FAM110B: variants seen among roughly 807,000 people sequenced by gnomAD.
FAM110B encodes family with sequence similarity 110 member B.
FAM110B carries 6 observed loss-of-function variants against 20.4 expected under a neutral mutation model. That is an observed-to-expected ratio of 0.29 (90% CI 0.16 to 0.58). The LOEUF (loss-of-function observed/expected upper bound fraction) is 0.58. Among genes scored for constraint, FAM110B ranks in the 20% least tolerant of loss-of-function variants. The probability of loss-of-function intolerance (pLI) is 0.90; values close to 1 mark genes in which losing one functional copy is unlikely to be tolerated. For synonymous variants in FAM110B, 226 were observed against 214.1 expected (o/e 1.06, Z -0.49); for missense variants, 434 against 498.2 (o/e 0.87, Z 1.23).
chr8:58,095,196 C>T (rs1806591822), intron 3 of FAM110B, among the ~76,000 whole-genome samples: 1 of 152,096 alleles, frequency 6.6e-6, no homozygotes, highest in African/African-American at 2.4e-5. Context: ...AAACCAGCTC[C>T]TGGATTTACT....
Position 58,047,591 on chromosome 8 carries a change from C to CCTCTCTCTCTCTCTCTCTCTCTCTCT in FAM110B, c.-414+15907_-414+15932dup, listed in dbSNP as rs56031012. On this transcript the variant is annotated intron_variant, in intron 2 of 3. Coordinates refer to ENST00000519262, the MANE Select transcript of FAM110B (RefSeq NM_001377989.1). ...CAAATTGTAATTAATCTTCCTTTTTCCTCTCTCTCTCTCTCTCTCTCTCTC... is the reference window on the plus strand; with the variant it reads ...CAAATTGTAATTAATCTTCCTTTTTCCTCTCTCTCTCTCTCTCTCTCTCTCTCTCTCTCTCTCTCTCTCTCTCTCTC... Among the ~76,000 whole-genome samples, 77 of 74,724 alleles carry CCTCTCTCTCTCTCTCTCTCTCTCTCT rather than the reference C, an allele frequency of 1.0e-3. 4 individuals carry two copies. The highest frequency in any genetic ancestry group is 1.4e-3 in the Non-Finnish European group (49 of 33,846). The allele number at this position is 74,724 out of a possible 152,430, so 49.0% of individuals were successfully genotyped here. A position where few individuals can be genotyped will look rare whatever the true frequency, so the allele number is the denominator to read the frequency against.
intron 3 of FAM110B, among the ~76,000 whole-genome samples, chr8:58,090,863 G>T (rs1470952742): frequency 6.6e-6 from 1 of 152,004 alleles, no homozygotes; most frequent in Non-Finnish European, 1.5e-5. Flanking sequence ...TAAACTTAAG[G>T]CACCCACAAG....
chr8:58,061,983 A>G (rs1203729799), intron 2 of FAM110B, among the ~76,000 whole-genome samples: 3 of 152,246 alleles, frequency 2.0e-5, no homozygotes, highest in Admixed American at 2.0e-4. Flanking sequence ...TCTGATGTTC[A>G]TATTTTTAAA....
At position 58,107,111 on chromosome 8, in the gene FAM110B, C is replaced by T. The variant is rs561359255; in HGVS notation, c.-325+31488C>T. Among the ~76,000 whole-genome samples the T allele has an allele frequency of 2.0e-5, 3 of 152,036 alleles. No homozygotes were observed. The South Asian group carries it at 6.2e-4, about 32-fold the overall frequency. On this transcript the variant is annotated intron_variant, in intron 3 of 3. Transcript: ENST00000519262. ...AAAGTAGTCAAACCACTACTGTTGC[C>T]GTCTGGATTTTATGTTACTGAAAAA... is the stretch of plus-strand genomic sequence containing the variant.
At chr8:58,003,659 A>G (rs530464123) in intron 1 of FAM110B, among the ~76,000 whole-genome samples, 21 of 152,350 alleles carry the variant, frequency 1.4e-4, no homozygotes, top group African/African-American at 5.0e-4. Flanking sequence ...GACCAGGGGC[A>G]TTGTAATTGA....
rs757598715 is a variant in FAM110B, at chr8:58,146,787, T to G, written c.557T>G (p.Leu186Arg). ...GGCTCCCACGTGGGCAGGAGACTGC[T>G]GGAGCAGTCAGCCGAGTCCTTCCTC... ...EGGSHVGRRL[L>R]EQSAESFLHV... Residue 186 changes from leucine (L) to arginine (R), a missense_variant, in exon 4 of 4, where the codon CTG (leucine) becomes CGG (arginine). Leu to Arg is a moderately radical substitution (Grantham distance 102, BLOSUM62 -2). Transcript: ENST00000519262. 1 of 1,611,050 alleles carries G rather than the reference T, an allele frequency of 6.2e-7. No homozygotes were observed. The highest frequency in any genetic ancestry group is 2.2e-5 in the East Asian group (1 of 44,804).
chr8:58,019,370 GAAAGAAAGAAAAGA>G (rs1213941560), intron 1 of FAM110B, among the ~76,000 whole-genome samples: 35 of 129,510 alleles, frequency 2.7e-4, no homozygotes, highest in African/African-American at 8.3e-4. Context: ...AGGAAAGAAA[GAAAGAAAGAAAAGA>G]AAAGAAAGAA....
chr8:58,101,819 T>A (rs531873850), intron 3 of FAM110B, among the ~76,000 whole-genome samples: 2 of 152,276 alleles, frequency 1.3e-5, no homozygotes, highest in African/African-American at 4.8e-5. Context: ...TTTGTACCTC[T>A]TGGTACCCAT....
At chr8:57,997,387 T>C (rs1804209190) in intron 1 of FAM110B, among the ~76,000 whole-genome samples, 1 of 152,220 alleles carries the variant, frequency 6.6e-6, no homozygotes, top group Admixed American at 6.5e-5. Flanking sequence ...GCATTTTAGG[T>C]GCTAGACAAA....
At chr8:58,118,295 G>A (rs1807268583) in intron 3 of FAM110B, among the ~76,000 whole-genome samples, 1 of 152,190 alleles carries the variant, frequency 6.6e-6, no homozygotes, top group Non-Finnish European at 1.5e-5. Context: ...GATTGATACA[G>A]CCAGAGATTA....
chr8:58,147,305 A>G lies in FAM110B; in HGVS notation c.1075A>G (p.Lys359Glu). The G allele has an allele frequency of 6.2e-7, 1 of 1,614,152 alleles. No individual in the cohort carries two copies. The highest frequency in any genetic ancestry group is 8.5e-7 in the Non-Finnish European group (1 of 1,179,992). ...ARIIKWLYSI[K>E]QARESQKVSH... is the part of the protein sequence containing the mutation. ...AATCATCAAGTGGTTATATAGCATCAAACAAGCTAGAGAGTCACAGAAGGT... is the reference window on the plus strand; with the variant it reads ...AATCATCAAGTGGTTATATAGCATCGAACAAGCTAGAGAGTCACAGAAGGT... Residue 359 changes from lysine (K) to glutamate (E), a missense_variant, in exon 4 of 4, where the codon AAA becomes GAA. Physicochemically the swap from Lys to Glu is moderately conservative, Grantham distance 56. Around this residue, in one of 3 missense-constraint regions of FAM110B, gnomAD observed 94 missense variants for 137.8 expected, o/e 0.68. Coordinates refer to ENST00000519262, the MANE Select transcript of FAM110B (RefSeq NM_001377989.1).
intron 2 of FAM110B, among the ~76,000 whole-genome samples, chr8:58,071,314 A>G (rs989077900): frequency 1.3e-5 from 2 of 152,132 alleles, no homozygotes; most frequent in African/African-American, 4.8e-5. Context: ...GTTTTTACTT[A>G]TTCATCAAAC....
chr8:58,067,575 C>T (rs1805799704), intron 2 of FAM110B, among the ~76,000 whole-genome samples: 1 of 152,216 alleles, frequency 6.6e-6, no homozygotes, highest in Admixed American at 6.5e-5. Context: ...CAGACTTAGC[C>T]AGATCCTGCA....
rs1803858454 is a variant in FAM110B, at chr8:58,146,179, G to A, written c.-52G>A. 2.6e-6 allele frequency: 4 copies of A among 1,536,814 alleles called. No individual in the cohort carries two copies. The highest frequency in any genetic ancestry group is 3.5e-6 in the Non-Finnish European group (4 of 1,141,366). On this transcript the variant is annotated 5_prime_UTR_variant, in exon 4 of 4. Transcript: ENST00000519262. ...GTACATGTGTCTATTCAGGCCTTGCGGAGGCGCCCAGAAGAGCATCCAACA... is the reference window on the plus strand; with the variant it reads ...GTACATGTGTCTATTCAGGCCTTGCAGAGGCGCCCAGAAGAGCATCCAACA...
At chr8:58,037,634 C>T (rs945178250) in intron 2 of FAM110B, among the ~76,000 whole-genome samples, 1 of 151,558 alleles carries the variant, frequency 6.6e-6, no homozygotes, top group Non-Finnish European at 1.5e-5. Context: ...AAGACTCTGT[C>T]TCTTTAAAAA....
chr8:58,064,235 G>A (rs866741105), intron 2 of FAM110B, among the ~76,000 whole-genome samples: 23 of 152,258 alleles, frequency 1.5e-4, no homozygotes, highest in Middle Eastern at 6.8e-3. Context: ...TTTTGGTGGA[G>A]ACACAGACCC....
chr8:58,137,473 A>C (rs1412071315), intron 3 of FAM110B, among the ~76,000 whole-genome samples: 4 of 152,196 alleles, frequency 2.6e-5, no homozygotes, highest in Non-Finnish European at 4.4e-5. Context: ...AGACAGGAGA[A>C]TCATTTGAAA....
chr8:58,122,886 A>T (rs1807398051), intron 3 of FAM110B, among the ~76,000 whole-genome samples: 1 of 152,092 alleles, frequency 6.6e-6, no homozygotes, highest in Non-Finnish European at 1.5e-5. Flanking sequence ...GTTGCTGATG[A>T]TGGAGTGTGC....
intron 1 of FAM110B, among the ~76,000 whole-genome samples, chr8:58,021,560 A>C (rs1231019792): frequency 6.6e-6 from 1 of 152,066 alleles, no homozygotes; most frequent in Non-Finnish European, 1.5e-5. Flanking sequence ...AATGTTGTTA[A>C]ATATATTGTC....
Sources: allele counts gnomAD v4.1 joint callset (sites outside exome capture counted in the v4.1 genomes callset), GRCh38; gene constraint gnomAD v4.1.1; regional missense constraint gnomAD v4.1.1; transcripts MANE v1.5; gene names NCBI Gene and HGNC (gene_info 2026-07-23, HGNC 2026-07-21).